LIMD1: variants seen among roughly 807,000 people sequenced by gnomAD.
LIMD1 encodes LIM domain-containing protein 1.
Under a neutral mutation model 58.4 loss-of-function variants are expected in LIMD1, and 23 were observed. That is an observed-to-expected ratio of 0.39 (90% CI 0.28 to 0.56). The LOEUF is 0.56. Among genes scored for constraint, LIMD1 ranks in the 20% least tolerant of loss-of-function variants. LIMD1 has a pLI of 0.57. For synonymous variants in LIMD1, 334 were observed against 345.5 expected, an observed-to-expected ratio of 0.97 and a Z score of 0.37; for missense variants, 838 against 855.5, an observed-to-expected ratio of 0.98 and a Z score of 0.25.
chr3:45,602,944 G>T (rs183572480), intron 1 of LIMD1, among the ~76,000 whole-genome samples: 1 of 151,978 alleles, frequency 6.6e-6, no homozygotes, highest in East Asian at 1.9e-4. Flanking sequence ...GGGTTCAAGC[G>T]ATTCTCCTGC....
At chr3:45,606,700 C>T (rs1207449627) in intron 1 of LIMD1, among the ~76,000 whole-genome samples, 1 of 152,200 alleles carries the variant, frequency 6.6e-6, no homozygotes, top group Non-Finnish European at 1.5e-5. Context: ...GGTGTGCCAG[C>T]CCATACTTCC....
At chr3:45,656,325 A>G (rs2742408) in intron 2 of LIMD1, among the ~76,000 whole-genome samples, 9,816 of 152,222 alleles carry the variant, frequency 0.064, 465 homozygotes, top group Non-Finnish European at 0.098. Context: ...AGAAAACAAG[A>G]GAGACAGTAT....
At chr3:45,659,492 G>A (rs1422496228) in intron 2 of LIMD1, among the ~76,000 whole-genome samples, 1 of 152,144 alleles carries the variant, frequency 6.6e-6, no homozygotes, top group Non-Finnish European at 1.5e-5. Context: ...GGAGGCCGAG[G>A]TGGGAGGATT....
chr3:45,656,690 G>T (rs886510532), intron 2 of LIMD1, among the ~76,000 whole-genome samples: 6 of 151,982 alleles, frequency 3.9e-5, no homozygotes, highest in Non-Finnish European at 7.4e-5. Context: ...GCTGGTTTTT[G>T]TATTTTTAGT....
intron 1 of LIMD1, among the ~76,000 whole-genome samples, chr3:45,626,450 A>G (rs1429147304): frequency 1.3e-5 from 2 of 152,242 alleles, no homozygotes; most frequent in Non-Finnish European, 2.9e-5. Context: ...AGAAACCATA[A>G]ATGCATGTTA....
At chr3:45,669,722 T>C (rs1009004831) in intron 4 of LIMD1, among the ~76,000 whole-genome samples, 23 of 152,246 alleles carry the variant, frequency 1.5e-4, no homozygotes, top group African/African-American at 5.5e-4. Context: ...TTGAGCTTCA[T>C]CCATGCTGTT....
intron 2 of LIMD1, among the ~76,000 whole-genome samples, chr3:45,641,213 A>C (rs1417866459): frequency 1.3e-5 from 2 of 152,170 alleles, no homozygotes; most frequent in Non-Finnish European, 2.9e-5. Flanking sequence ...TCAAGGTCAA[A>C]AACCTGGCTA....
intron 2 of LIMD1, among the ~76,000 whole-genome samples, chr3:45,664,518 G>A (rs1459737795): frequency 6.6e-6 from 1 of 152,210 alleles, no homozygotes; most frequent in Non-Finnish European, 1.5e-5. Flanking sequence ...AGGGCTGGGG[G>A]AAACATTCAG....
chr3:45,671,430 C>T (rs546533060), intron 4 of LIMD1, among the ~76,000 whole-genome samples: 2 of 152,160 alleles, frequency 1.3e-5, no homozygotes, highest in Non-Finnish European at 2.9e-5. Context: ...TGTGTGGGCT[C>T]CCACTGCTGG....
chr3:45,647,541 C>T (rs58851817), intron 2 of LIMD1, among the ~76,000 whole-genome samples: 8 of 152,270 alleles, frequency 5.3e-5, no homozygotes, highest in African/African-American at 1.9e-4. Flanking sequence ...TCTCCACATC[C>T]GCAGCAGCCC....
chr3:45,626,051 T>A (rs1169346309), intron 1 of LIMD1, among the ~76,000 whole-genome samples: 1 of 152,246 alleles, frequency 6.6e-6, no homozygotes, highest in Non-Finnish European at 1.5e-5. Flanking sequence ...GTTTGAGTAA[T>A]CCTTGGTGGA....
intron 7 of LIMD1, among the ~76,000 whole-genome samples, chr3:45,675,930 G>C (rs1697661780): frequency 6.6e-6 from 1 of 151,944 alleles, no homozygotes; most frequent in Admixed American, 6.6e-5. Context: ...CTCTACTCTG[G>C]GTGACACAGC....
At chr3:45,631,293 ACT>A (rs1044979104) in intron 1 of LIMD1, among the ~76,000 whole-genome samples, 1 of 148,774 alleles carries the variant, frequency 6.7e-6, no homozygotes, top group African/African-American at 2.6e-5. Context: ...ACAGAGTGAG[ACT>A]CTCTCAAAAA....
chr3:45,681,786 G>A lies in LIMD1; in HGVS notation c.*4727G>A, dbSNP rs74527174. The stretch of plus-strand genomic sequence containing the variant: ...TCTTACCAGATGTATAAAAATGTGA[G>A]AGGCCTTGGAGAATCATATCCCAAG... On this transcript the variant is annotated 3_prime_UTR_variant, in exon 8 of 8. Coordinates refer to ENST00000273317, the MANE Select transcript of LIMD1 (RefSeq NM_014240.3). 7.9e-5 allele frequency: 12 copies of A among 152,338 alleles called. No individual in the cohort carries two copies. In the East Asian group the frequency reaches 2.3e-3, roughly 29 times the overall value. 9.4% of individuals were successfully genotyped at this position (152,338 alleles called of 1,614,324 possible). A position where few individuals can be genotyped will look rare whatever the true frequency, so the allele number is the denominator to read the frequency against.
chr3:45,601,705 C>T (rs1394317720), intron 1 of LIMD1, among the ~76,000 whole-genome samples: 1 of 152,094 alleles, frequency 6.6e-6, no homozygotes, highest in Non-Finnish European at 1.5e-5. Context: ...GAAACCGAGG[C>T]CAGAGAGGTT....
chr3:45,618,036 C>T (rs1701591290), intron 1 of LIMD1, among the ~76,000 whole-genome samples: 1 of 152,072 alleles, frequency 6.6e-6, no homozygotes, highest in African/African-American at 2.4e-5. Context: ...TTCTGGTTCC[C>T]TTCTGGTTCC....
chr3:45,635,819 T>A (rs1246561369), intron 1 of LIMD1: 8 of 865,242 alleles, frequency 9.2e-6, no homozygotes, highest in Non-Finnish European at 1.1e-5. Flanking sequence ...GATGGTGCAA[T>A]CTTTCTGAAC....
At chr3:45,617,065 GCT>G (rs1701583240) in intron 1 of LIMD1, among the ~76,000 whole-genome samples, 1 of 131,576 alleles carries the variant, frequency 7.6e-6, no homozygotes, top group Non-Finnish European at 1.6e-5. Context: ...ACAGAGTCTA[GCT>G]CTGTCGCCCA....
At chr3:45,647,084 G>T (rs1701915069) in intron 2 of LIMD1, among the ~76,000 whole-genome samples, 1 of 152,182 alleles carries the variant, frequency 6.6e-6, no homozygotes, top group Admixed American at 6.5e-5. Flanking sequence ...GTATATGGGA[G>T]AAGAAAATCA....
Sources: allele counts gnomAD v4.1 joint callset (sites outside exome capture counted in the v4.1 genomes callset), GRCh38; gene constraint gnomAD v4.1.1; transcripts MANE v1.5; gene names NCBI Gene and HGNC (gene_info 2026-07-23, HGNC 2026-07-21).